Variants in PDE7A observed in about 807,000 individuals in gnomAD.
PDE7A encodes the protein high affinity 3',5'-cyclic-AMP phosphodiesterase 7A.
Under a neutral mutation model 64.3 loss-of-function variants are expected in PDE7A, and 39 were observed. That is an observed-to-expected ratio of 0.61 (90% CI 0.47 to 0.79). PDE7A has a LOEUF of 0.79. Ranked by LOEUF, PDE7A falls within the 30% of genes least tolerant of loss-of-function variation. PDE7A has a pLI of 0.00. For missense variants in PDE7A, 470 were observed against 582.8 expected, an observed-to-expected ratio of 0.81 and a Z score of 1.99; for synonymous variants, 203 against 206.8, an observed-to-expected ratio of 0.98 and a Z score of 0.16.
intron 1 of PDE7A, among the ~76,000 whole-genome samples, chr8:65,819,295 G>A (rs1810483747): frequency 6.6e-6 from 1 of 152,224 alleles, no homozygotes; most frequent in Admixed American, 6.5e-5. Context: ...CTGCTCTGAG[G>A]CTGAGGAGGG....
rs568406500 is a variant in PDE7A, at chr8:65,743,014, A to G, written c.499+2393T>C. Among the ~76,000 whole-genome samples, 11 of 152,358 alleles carry G rather than the reference A, an allele frequency of 7.2e-5. No homozygotes were observed. In the East Asian group the frequency reaches 1.7e-3, roughly 24 times the overall value. ...CTGAGCTCACGCCGCTTTCATCACCATGCCCCCAACTAGCAGAGTATGTAC... is the reference window on the plus strand; with the variant it reads ...CTGAGCTCACGCCGCTTTCATCACCGTGCCCCCAACTAGCAGAGTATGTAC... On this transcript the variant is annotated intron_variant, in intron 5 of 12. Coordinates refer to ENST00000401827, the MANE Select transcript of PDE7A (RefSeq NM_001242318.3).
At chr8:65,785,918 G>T (rs891792739) in intron 1 of PDE7A, among the ~76,000 whole-genome samples, 1 of 151,974 alleles carries the variant, frequency 6.6e-6, no homozygotes, top group African/African-American at 2.4e-5. Context: ...ACACATTAAG[G>T]ATTGTGAAAG....
At chr8:65,780,014 A>C (rs1484563166) in intron 2 of PDE7A, among the ~76,000 whole-genome samples, 2 of 152,108 alleles carry the variant, frequency 1.3e-5, no homozygotes. Context: ...GATTTTTTTT[A>C]AATCTACCCC....
chr8:65,798,200 A>ATTTTTTT (rs1276764898), intron 1 of PDE7A, among the ~76,000 whole-genome samples: 2 of 21,400 alleles, frequency 9.3e-5, no homozygotes, highest in African/African-American at 3.9e-4. Flanking sequence ...ATATATATAT[A>ATTTTTTT]TATATATTTT....
Position 65,841,979 on chromosome 8 carries a change from G to A in PDE7A, c.-471C>T, listed in dbSNP as rs1811107495. 7.7e-6 allele frequency: 2 copies of A among 258,432 alleles called. No individual in the cohort carries two copies. Among genetic ancestry groups the A allele is most frequent in the Non-Finnish European group, 1.5e-5 (2 of 135,698 alleles). The allele number at this position is 258,432 out of a possible 1,614,324, so 16.0% of individuals were successfully genotyped here. On this transcript the variant is annotated 5_prime_UTR_variant, in exon 1 of 13. Transcript: ENST00000401827. ...ACCAGCTCGGGCCGCCGCCGCCGCCGCCGCCGCCGCCGCCGGAGTCCTGCT... is the reference window on the plus strand; with the variant it reads ...ACCAGCTCGGGCCGCCGCCGCCGCCACCGCCGCCGCCGCCGGAGTCCTGCT...
intron 1 of PDE7A, among the ~76,000 whole-genome samples, chr8:65,797,751 G>A (rs956204226): frequency 1.3e-4 from 20 of 152,006 alleles, no homozygotes; most frequent in African/African-American, 4.8e-4. Flanking sequence ...TCAGGGGAAA[G>A]TATAGTCTTT....
At chr8:65,811,509 A>G (rs891389845) in intron 1 of PDE7A, among the ~76,000 whole-genome samples, 2 of 152,226 alleles carry the variant, frequency 1.3e-5, no homozygotes, top group African/African-American at 4.8e-5. Context: ...GATTCCACAG[A>G]GGTTAGCCTC....
chr8:65,834,479 A>C (rs2128935044), intron 1 of PDE7A, among the ~76,000 whole-genome samples: 1 of 152,232 alleles, frequency 6.6e-6, no homozygotes, highest in Non-Finnish European at 1.5e-5. Flanking sequence ...TGCAGCCTGC[A>C]TTGTTCAAGG....
intron 1 of PDE7A, among the ~76,000 whole-genome samples, chr8:65,804,940 T>C (rs1371825912): frequency 6.6e-6 from 1 of 152,158 alleles, no homozygotes. Context: ...TAGGCTCAAG[T>C]GATCCTCCTG....
intron 1 of PDE7A, among the ~76,000 whole-genome samples, chr8:65,801,520 A>T (rs1358906683): frequency 6.6e-6 from 1 of 152,124 alleles, no homozygotes; most frequent in Non-Finnish European, 1.5e-5. Flanking sequence ...AAAGCCAAGG[A>T]CCTGACCAAA....
At chr8:65,799,585 G>C (rs1046557587) in intron 1 of PDE7A, among the ~76,000 whole-genome samples, 22 of 152,176 alleles carry the variant, frequency 1.4e-4, no homozygotes, top group Admixed American at 1.4e-3. Flanking sequence ...GTAAACAGGA[G>C]AATAGAGAAA....
At chr8:65,771,280 T>A (rs1461266807) in intron 3 of PDE7A, 1 of 152,918 alleles carries the variant, frequency 6.5e-6, no homozygotes, top group African/African-American at 2.4e-5. Flanking sequence ...AATATTGCAA[T>A]ATAGATGTCT....
At position 65,779,725 on chromosome 8, in the gene PDE7A, A is replaced by T; in HGVS notation, c.278T>A (p.Phe93Tyr). The T allele has an allele frequency of 6.5e-7, 1 of 1,546,482 alleles. No homozygotes were observed. The highest frequency in any genetic ancestry group is 8.8e-7 in the Non-Finnish European group (1 of 1,130,088). Residue 93 changes from phenylalanine (F) to tyrosine (Y), a missense_variant, in exon 3 of 13, where the codon TTC (phenylalanine) becomes TAC (tyrosine). Transcript: ENST00000401827. ...GSHPYIDFRI[F>Y]HSQSEIEVSV... ...TCATGTCTACCAACACTTACAGTGG[A>T]AAATACGAAAATCAATATATGGGTG...
At chr8:65,820,675 T>A (rs1162532835) in intron 1 of PDE7A, among the ~76,000 whole-genome samples, 1 of 152,122 alleles carries the variant, frequency 6.6e-6, no homozygotes, top group Non-Finnish European at 1.5e-5. Context: ...CTGTAACCTC[T>A]GCCTCCTGGG....
intron 1 of PDE7A, among the ~76,000 whole-genome samples, chr8:65,800,140 T>C (rs1426804138): frequency 6.6e-6 from 1 of 151,846 alleles, no homozygotes; most frequent in Non-Finnish European, 1.5e-5. Flanking sequence ...TGTCCCTGAA[T>C]TGTCTTTCAG....
At chr8:65,759,929 A>G (rs757175558) in intron 3 of PDE7A, among the ~76,000 whole-genome samples, 1 of 152,056 alleles carries the variant, frequency 6.6e-6, no homozygotes, top group Non-Finnish European at 1.5e-5. Context: ...AAGAAAGTTA[A>G]TACTATTTTT....
chr8:65,776,516 C>T lies in PDE7A; in HGVS notation c.283+3204G>A, dbSNP rs13259098. Among the ~76,000 whole-genome samples the T allele has an allele frequency of 6.3e-3, 954 of 152,262 alleles. 9 individuals carry two copies. The highest frequency in any genetic ancestry group is 0.011 in the Non-Finnish European group (728 of 67,994). On this transcript the variant is annotated intron_variant, in intron 3 of 12. Transcript: ENST00000401827. Reference sequence around the variant, plus strand: ...GAAGAAAAACTGGCATCTTTAAATACTGAATCCTCCAATCCATAAATAACA... The same window carrying T: ...GAAGAAAAACTGGCATCTTTAAATATTGAATCCTCCAATCCATAAATAACA...
At chr8:65,764,146 A>C (rs1218584098) in intron 3 of PDE7A, among the ~76,000 whole-genome samples, 2 of 152,254 alleles carry the variant, frequency 1.3e-5, no homozygotes. Flanking sequence ...AGGAATTACA[A>C]TAGAAAAGAG....
intron 1 of PDE7A, among the ~76,000 whole-genome samples, chr8:65,836,278 G>T (rs1157943879): frequency 2.6e-5 from 4 of 152,130 alleles, no homozygotes; most frequent in Admixed American, 2.6e-4. Context: ...TTATAAACAA[G>T]CACGGGATAT....
Sources: allele counts gnomAD v4.1 joint callset (sites outside exome capture counted in the v4.1 genomes callset), GRCh38; gene constraint gnomAD v4.1.1; transcripts MANE v1.5; gene names NCBI Gene and HGNC (gene_info 2026-07-23, HGNC 2026-07-21).